Variants in ARID1B observed in about 807,000 individuals in gnomAD.
ARID1B encodes AT-rich interaction domain 1B, also known as AT-rich interactive domain-containing protein 1B.
ARID1B carries 30 observed loss-of-function variants against 212.3 expected under a neutral mutation model. That is an observed-to-expected ratio of 0.14 (90% CI 0.11 to 0.19). The LOEUF (loss-of-function observed/expected upper bound fraction) is 0.19. ARID1B is among the 10% of genes least tolerant of loss of function. The probability of loss-of-function intolerance (pLI) is 1.00; values close to 1 mark genes in which losing one functional copy is unlikely to be tolerated. For missense variants in ARID1B, 2,891 were observed against 3,204.0 expected, an observed-to-expected ratio of 0.90 and a Z score of 2.36; for synonymous variants, 1,402 against 1,301.7, an observed-to-expected ratio of 1.08 and a Z score of -1.66.
intron 4 of ARID1B, among the ~76,000 whole-genome samples, chr6:156,996,108 A>G (rs1200028782): frequency 6.6e-6 from 1 of 152,248 alleles, no homozygotes; most frequent in East Asian, 1.9e-4. Flanking sequence ...TGTGAATAAT[A>G]GAAATATCTT....
Position 157,208,401 on chromosome 6 carries a change from A to T in ARID1B, c.*510A>T, listed in dbSNP as rs972658266. On this transcript the variant is annotated 3_prime_UTR_variant, in exon 20 of 20. Transcript: ENST00000636930. ...TTCTGTGCAATAGAAATTTCTACAG[A>T]TACAGGTATAGGGGCTCAAGGAGGT... 3.9e-5 allele frequency: 9 copies of T among 233,504 alleles called. No homozygotes were observed. The highest frequency in any genetic ancestry group is 5.6e-5 in the Admixed American group (1 of 17,778). 14.5% of individuals were successfully genotyped at this position (233,504 alleles called of 1,614,324 possible).
intron 4 of ARID1B, among the ~76,000 whole-genome samples, chr6:157,027,929 G>T (rs1780765315): frequency 1.3e-5 from 2 of 152,074 alleles, no homozygotes; most frequent in African/African-American, 4.8e-5. Flanking sequence ...GATTTATCCA[G>T]GTATTTTTTA....
At chr6:156,897,944 G>T (rs989426552) in intron 2 of ARID1B, among the ~76,000 whole-genome samples, 2 of 152,084 alleles carry the variant, frequency 1.3e-5, no homozygotes, top group African/African-American at 4.8e-5. Flanking sequence ...GTTTGTTGAC[G>T]CTCAGATCCT....
chr6:156,917,213 A>G (rs1790428845), intron 3 of ARID1B, among the ~76,000 whole-genome samples: 1 of 152,154 alleles, frequency 6.6e-6, no homozygotes, highest in Admixed American at 6.5e-5. Context: ...TGGCTTTTAT[A>G]CGTATAGTTT....
chr6:156,896,524 C>G (rs1045816544), intron 2 of ARID1B, among the ~76,000 whole-genome samples: 2 of 134,280 alleles, frequency 1.5e-5, no homozygotes, highest in African/African-American at 5.8e-5. Flanking sequence ...TACAGTGAGC[C>G]GAGACCACAC....
At chr6:157,112,666 G>A (rs1754060570) in intron 6 of ARID1B, among the ~76,000 whole-genome samples, 1 of 152,174 alleles carries the variant, frequency 6.6e-6, no homozygotes, top group African/African-American at 2.4e-5. Context: ...ACAGATACGT[G>A]TTTGGGAAAT....
chr6:156,865,193 T>C (rs748402070), intron 2 of ARID1B, among the ~76,000 whole-genome samples: 2 of 152,226 alleles, frequency 1.3e-5, no homozygotes, highest in Non-Finnish European at 2.9e-5. Flanking sequence ...GGATCTTTGG[T>C]TTCCTGGATT....
chr6:157,207,256 G>C lies in ARID1B; in HGVS notation c.6484G>C (p.Ala2162Pro), dbSNP rs778225695. Residue 2162 changes from alanine to proline, a missense_variant, in exon 20 of 20, where the codon GCT becomes CCT. Transcript: ENST00000636930. This position sits in a 1 kb window ranked among gnomAD's most constrained non-coding sequence, Gnocchi z 8.5. ...ANISGQLDLSAYTESICLPIL... is the reference protein window; with the variant it reads ...ANISGQLDLSPYTESICLPIL... ...CATTTCCGGGCAGCTAGACTTGTCT[G>C]CTTACACGGAAAGCATCTGCTTGCC... is the stretch of plus-strand genomic sequence containing the variant. 1 of 1,614,190 alleles carries C rather than the reference G, an allele frequency of 6.2e-7. No homozygotes were observed. Among genetic ancestry groups the C allele is most frequent in the Non-Finnish European group, 8.5e-7 (1 of 1,180,018 alleles).
At chr6:157,112,872 G>C (rs1787023237) in intron 6 of ARID1B, among the ~76,000 whole-genome samples, 1 of 151,548 alleles carries the variant, frequency 6.6e-6, no homozygotes, top group Admixed American at 6.6e-5. Flanking sequence ...GTGTAGTTTG[G>C]GTAACTGATA....
chr6:156,849,205 A>C (rs766565381), intron 2 of ARID1B, among the ~76,000 whole-genome samples: 8 of 152,298 alleles, frequency 5.3e-5, no homozygotes, highest in Middle Eastern at 3.4e-3. Context: ...ATTCTTCTGA[A>C]GGTACTCACG....
At chr6:157,186,169 T>C (rs1792959179) in intron 13 of ARID1B, 1 of 265,864 alleles carries the variant, frequency 3.8e-6, no homozygotes, top group Non-Finnish European at 7.5e-6. Context: ...CCAGTGTGCA[T>C]CAGCTTCAGG....
chr6:156,897,193 TGCTGCTGCTGCTG>T (rs1246335497), intron 2 of ARID1B, among the ~76,000 whole-genome samples: 4 of 76,598 alleles, frequency 5.2e-5, no homozygotes, highest in Admixed American at 2.4e-4. Flanking sequence ...CTGCTGCTAC[TGCTGCTGCTGCTG>T]CTGCTGCTGC....
At chr6:156,864,038 G>T (rs1785514864) in intron 2 of ARID1B, among the ~76,000 whole-genome samples, 1 of 152,118 alleles carries the variant, frequency 6.6e-6, no homozygotes, top group Non-Finnish European at 1.5e-5. Context: ...TATAACAGAT[G>T]ATTTGTTTTG....
intron 5 of ARID1B, among the ~76,000 whole-genome samples, chr6:157,105,399 T>C (rs1453719926): frequency 6.6e-6 from 1 of 151,570 alleles, no homozygotes; most frequent in Admixed American, 6.6e-5. Context: ...GGAGAAGATA[T>C]TCACAATATA....
intron 15 of ARID1B, chr6:157,194,784 TA>T (rs1329277075): frequency 6.6e-6 from 1 of 152,178 alleles, no homozygotes; most frequent in Non-Finnish European, 1.5e-5. Context: ...ATGTCCTCCT[TA>T]CAACCATTTC....
At chr6:157,062,442 C>G (rs1783401513) in intron 4 of ARID1B, among the ~76,000 whole-genome samples, 1 of 152,080 alleles carries the variant, frequency 6.6e-6, no homozygotes, top group Non-Finnish European at 1.5e-5. Flanking sequence ...AAGCAATCCT[C>G]TCACCTTGGC....
chr6:157,068,341 T>C (rs77096457), intron 4 of ARID1B, among the ~76,000 whole-genome samples: 2,249 of 152,348 alleles, frequency 0.015, 56 homozygotes, highest in African/African-American at 0.052. Context: ...CTTCTGCCTG[T>C]GTTGGTGAGA....
At chr6:157,064,077 A>G (rs1398802869) in intron 4 of ARID1B, among the ~76,000 whole-genome samples, 1 of 152,174 alleles carries the variant, frequency 6.6e-6, no homozygotes, top group Non-Finnish European at 1.5e-5. Context: ...CTGCATCTCC[A>G]CAGTAGGAAT....
intron 5 of ARID1B, among the ~76,000 whole-genome samples, chr6:157,097,565 A>G (rs1785734377): frequency 6.6e-6 from 1 of 152,178 alleles, no homozygotes; most frequent in Admixed American, 6.5e-5. Flanking sequence ...ATAGCCAACC[A>G]CCCATGTTTA....
Sources: allele counts gnomAD v4.1 joint callset (sites outside exome capture counted in the v4.1 genomes callset), GRCh38; gene constraint gnomAD v4.1.1; non-coding constraint Gnocchi (gnomAD v3.1); transcripts MANE v1.5; gene names NCBI Gene and HGNC (gene_info 2026-07-23, HGNC 2026-07-21).